The following PARVB variants were observed in gnomAD, a reference collection of about 807,000 sequenced individuals.
PARVB encodes beta-parvin.
PARVB carries 46 observed loss-of-function variants against 47.0 expected under a neutral mutation model. That is an observed-to-expected ratio of 0.98 (90% confidence interval 0.77 to 1.25). The LOEUF is 1.25. Ranked by LOEUF, PARVB falls within the 50% of genes most tolerant of loss-of-function variation. PARVB has a pLI of 0.00. For synonymous variants in PARVB, 196 were observed against 196.3 expected (o/e 1.00, Z 0.01); for missense variants, 473 against 471.6 (o/e 1.00, Z -0.03).
intron 1 of PARVB, among the ~76,000 whole-genome samples, chr22:44,076,789 G>T (rs1195501550): frequency 1.3e-5 from 2 of 152,078 alleles, no homozygotes; most frequent in African/African-American, 4.8e-5. Flanking sequence ...CATGGAGGAG[G>T]TGGCCTGCCC....
At chr22:44,100,213 C>A in intron 3 of PARVB, 90 bp downstream of exon 3, 1 of 992,520 alleles carries the variant, frequency 1.0e-6, no homozygotes. Flanking sequence ...GGGAGCTAAA[C>A]CCGGGGCTCC....
In PARVB at chr22:44,131,371, G is replaced by C. The variant is rs1009793059; in HGVS notation, c.377-116G>C. 10 of 1,060,502 alleles carry C rather than the reference G, an allele frequency of 9.4e-6. No homozygotes were observed. In the African/African-American group the frequency reaches 1.6e-4, roughly 17 times the overall value. The allele number at this position is 1,060,502 out of a possible 1,614,324, so 65.7% of individuals were successfully genotyped here. On this transcript the variant is annotated intron_variant, in intron 4 of 12. Transcript: ENST00000338758. ...TTGCCAGGCTGGTCTCGAACTCCTG[G>C]CCTGAAGTGATTCACCCACCTCGGC...
At chr22:44,021,766 C>T (rs1158750019), upstream of PARVB, among the ~76,000 whole-genome samples, 1 of 36,082 alleles carries the variant, frequency 2.8e-5, no homozygotes, top group Non-Finnish European at 5.3e-5. Context: ...GACTCACACA[C>T]ACACACACAC....
At chr22:44,050,454 C>T (rs1381260923) in intron 1 of PARVB, among the ~76,000 whole-genome samples, 2 of 152,004 alleles carry the variant, frequency 1.3e-5, no homozygotes, top group Non-Finnish European at 2.9e-5. Flanking sequence ...AGTGATTCTC[C>T]TGCCTCAGCT....
intron 4 of PARVB, chr22:44,119,987 C>T (rs1052242859): frequency 1.7e-5 from 7 of 414,322 alleles, no homozygotes; most frequent in African/African-American, 4.1e-5. Context: ...TGGGTTCTCA[C>T]GATGCCTGGC....
At chr22:44,134,497 TTTGCAGAAAGTTTGAACCAGGC>T in intron 6 of PARVB, among the ~76,000 whole-genome samples, 1 of 152,352 alleles carries the variant, frequency 6.6e-6, no homozygotes, top group East Asian at 1.9e-4. Flanking sequence ...ATCTTTGCGG[TTTGCAGAAAGTTTGAACCAGGC>T]AAGCACTTGC....
At chr22:44,003,250 C>G (rs2050430617) in intron 2 of PARVB, among the ~76,000 whole-genome samples, 1 of 152,186 alleles carries the variant, frequency 6.6e-6, no homozygotes, top group South Asian at 2.1e-4. Flanking sequence ...GTCAGAGACC[C>G]AAATACAATT....
intron 6 of PARVB, among the ~76,000 whole-genome samples, chr22:44,133,718 G>A (rs927646123): frequency 3.3e-5 from 5 of 152,002 alleles, no homozygotes; most frequent in East Asian, 1.9e-4. Context: ...TCAAATTTTT[G>A]TAGAGACAAG....
At chr22:44,132,030 C>T (rs1158812086) in intron 5 of PARVB, among the ~76,000 whole-genome samples, 12 of 152,132 alleles carry the variant, frequency 7.9e-5, no homozygotes, top group South Asian at 2.1e-4. Context: ...TGTGACATCA[C>T]GGTATTTTCA....
intron 1 of PARVB, among the ~76,000 whole-genome samples, chr22:44,080,167 CA>C (rs1184780185): frequency 2.0e-5 from 3 of 152,222 alleles, no homozygotes; most frequent in Admixed American, 6.5e-5. Flanking sequence ...AAAACTGCTG[CA>C]AAGAATGTTC....
At chr22:44,158,576 AT>A (rs201445058) in intron 11 of PARVB, among the ~76,000 whole-genome samples, 12 of 150,596 alleles carry the variant, frequency 8.0e-5, no homozygotes, top group East Asian at 1.9e-4. Context: ...TTTGATACAG[AT>A]TTTTTTTTTC....
At chr22:44,122,488 AAGAGAG>A (rs766162295) in intron 4 of PARVB, among the ~76,000 whole-genome samples, 22 of 76,614 alleles carry the variant, frequency 2.9e-4, no homozygotes, top group East Asian at 1.1e-3. Flanking sequence ...CCTGTCGATC[AAGAGAG>A]AGAGAGAGAG....
intron 1 of PARVB, among the ~76,000 whole-genome samples, chr22:44,025,263 G>A (rs573994734): frequency 1.3e-5 from 2 of 152,196 alleles, no homozygotes; most frequent in East Asian, 1.9e-4. Flanking sequence ...CCCATAGCGG[G>A]TATGCAGTAC....
At chr22:44,070,309 C>T (rs2051626507) in intron 1 of PARVB, among the ~76,000 whole-genome samples, 1 of 152,230 alleles carries the variant, frequency 6.6e-6, no homozygotes, top group Non-Finnish European at 1.5e-5. Flanking sequence ...TGAAGGCCGC[C>T]TCCCTGGGCC....
At chr22:44,163,717 C>T in intron 11 of PARVB, 141 bp from the exon 12 acceptor site, 1 of 622,938 alleles carries the variant, frequency 1.6e-6, no homozygotes, top group East Asian at 3.1e-5. Context: ...ACCCTGTGGC[C>T]CGCCCCGGGC....
intron 1 of PARVB, among the ~76,000 whole-genome samples, chr22:44,045,622 A>G (rs2051099974): frequency 6.6e-6 from 1 of 152,182 alleles, no homozygotes; most frequent in Non-Finnish European, 1.5e-5. Flanking sequence ...CCCTGCCCAC[A>G]TGGCACTAGT....
chr22:44,151,031 A>AAAAAAAAAAAAAAAAC (rs2053795252), intron 9 of PARVB: 1 of 81,366 alleles, frequency 1.2e-5, no homozygotes, highest in African/African-American at 4.7e-5. Context: ...GACTGTCTCA[A>AAAAAAAAAAAAAAAAC]AAAAAAAAAA....
At chr22:44,012,024 A>G (rs1247682953) in intron 2 of PARVB, among the ~76,000 whole-genome samples, 1 of 152,222 alleles carries the variant, frequency 6.6e-6, no homozygotes, top group East Asian at 1.9e-4. Flanking sequence ...CCACCCACCT[A>G]AGAGGTCCTG....
chr22:44,137,941 G>A (rs1429068225), intron 7 of PARVB, among the ~76,000 whole-genome samples: 1 of 152,166 alleles, frequency 6.6e-6, no homozygotes, highest in East Asian at 1.9e-4. Context: ...CACATTGTTG[G>A]GTGGTGGGCA....
Sources: allele counts gnomAD v4.1 joint callset (sites outside exome capture counted in the v4.1 genomes callset), GRCh38; gene constraint gnomAD v4.1.1; transcripts MANE v1.5; gene names NCBI Gene and HGNC (gene_info 2026-07-23, HGNC 2026-07-21).